ARHGAP26: variants seen among roughly 807,000 people sequenced by gnomAD.
ARHGAP26 encodes rho GTPase-activating protein 26.
ARHGAP26 carries 38 observed loss-of-function variants against 104.8 expected under a neutral mutation model. The ratio of observed to expected loss-of-function variants is 0.36; its 90% confidence interval spans 0.28 to 0.48. The LOEUF is 0.48. ARHGAP26 is among the 20% of genes least tolerant of loss of function. The pLI is 0.99. For synonymous variants in ARHGAP26, 341 were observed against 340.0 expected, an observed-to-expected ratio of 1.00 and a Z score of -0.03; for missense variants, 704 against 947.9, an observed-to-expected ratio of 0.74 and a Z score of 3.38.
intron 11 of ARHGAP26, among the ~76,000 whole-genome samples, chr5:142,980,295 G>A (rs550147712): frequency 1.3e-5 from 2 of 151,992 alleles, no homozygotes; most frequent in African/African-American, 4.8e-5. Flanking sequence ...TTCATTCTTC[G>A]ATTGAACAAT....
chr5:142,906,019 G>A (rs1598177913), intron 8 of ARHGAP26, among the ~76,000 whole-genome samples: 1 of 152,124 alleles, frequency 6.6e-6, no homozygotes, highest in Non-Finnish European at 1.5e-5. Flanking sequence ...TGTCTTTCAT[G>A]ACATTGACAT....
chr5:143,085,137 C>T (rs118113359), intron 17 of ARHGAP26, among the ~76,000 whole-genome samples: 1,631 of 152,002 alleles, frequency 0.011, 33 homozygotes, highest in East Asian at 0.088. Context: ...TGGTCCCGGC[C>T]CCGGAAACTC....
intron 20 of ARHGAP26, among the ~76,000 whole-genome samples, chr5:143,193,595 C>T (rs554576619): frequency 6.6e-6 from 1 of 152,120 alleles, no homozygotes; most frequent in South Asian, 2.1e-4. Context: ...TTAACAGTGG[C>T]CCCAAAGTCC....
At chr5:142,912,861 A>G (rs1451357456) in intron 9 of ARHGAP26, among the ~76,000 whole-genome samples, 2 of 152,150 alleles carry the variant, frequency 1.3e-5, no homozygotes, top group Non-Finnish European at 2.9e-5. Context: ...AAGATCATAG[A>G]AGCTCAGAGT....
chr5:142,802,061 T>A (rs1487513280), intron 1 of ARHGAP26, among the ~76,000 whole-genome samples: 2 of 152,140 alleles, frequency 1.3e-5, no homozygotes, highest in Non-Finnish European at 2.9e-5. Flanking sequence ...CCGTGAGAGT[T>A]GAGATGAGAG....
chr5:142,832,895 C>T lies in ARHGAP26; in HGVS notation c.155-40505C>T, dbSNP rs115038875. Among the ~76,000 whole-genome samples, 381 of 152,222 alleles carry T rather than the reference C, an allele frequency of 2.5e-3. 1 individual carries two copies. Among genetic ancestry groups the T allele is most frequent in the African/African-American group, 8.9e-3 (369 of 41,548 alleles). ...ATATTAATTATCTTTCAGCTCAACA[C>T]AGTTCAGTTTTTTTCTAGTTTTTTA... is the stretch of plus-strand genomic sequence containing the variant. On this transcript the variant is annotated intron_variant, in intron 1 of 22. Transcript: ENST00000645722.
At chr5:142,949,221 G>GAGAGAGAGA (rs71576158) in intron 11 of ARHGAP26, among the ~76,000 whole-genome samples, 3 of 9,766 alleles carry the variant, frequency 3.1e-4, no homozygotes, top group Non-Finnish European at 5.3e-4. Context: ...GAGAGAGAGA[G>GAGAGAGAGA]GAGAGAGAGA....
chr5:142,881,872 C>T (rs945876022), intron 4 of ARHGAP26, among the ~76,000 whole-genome samples: 1 of 151,958 alleles, frequency 6.6e-6, no homozygotes, highest in Non-Finnish European at 1.5e-5. Context: ...CCTCCTCCTC[C>T]ACTCTCTGGT....
At chr5:143,074,440 A>G (rs1351115259) in intron 17 of ARHGAP26, among the ~76,000 whole-genome samples, 1 of 152,080 alleles carries the variant, frequency 6.6e-6, no homozygotes, top group Non-Finnish European at 1.5e-5. Context: ...GGGTTGGAAC[A>G]CTCCATTGCT....
At chr5:143,153,224 A>G (rs561081402) in intron 20 of ARHGAP26, among the ~76,000 whole-genome samples, 1 of 152,214 alleles carries the variant, frequency 6.6e-6, no homozygotes, top group African/African-American at 2.4e-5. Context: ...TGAGGCAAAC[A>G]AGAAAGGTGG....
chr5:142,997,538 A>G (rs902281088), intron 11 of ARHGAP26, among the ~76,000 whole-genome samples: 8 of 149,526 alleles, frequency 5.4e-5, no homozygotes, highest in Non-Finnish European at 1.2e-4. Flanking sequence ...CCTCCCAGGT[A>G]GCTGGGACTA....
chr5:143,221,563 G>C (rs1171631092), intron 22 of ARHGAP26, among the ~76,000 whole-genome samples: 1 of 152,134 alleles, frequency 6.6e-6, no homozygotes, highest in Non-Finnish European at 1.5e-5. Flanking sequence ...GCCCAGGCTG[G>C]AGTGCAGTGG....
At chr5:142,950,998 T>TCCCTTC (rs1347322785) in intron 11 of ARHGAP26, among the ~76,000 whole-genome samples, 1 of 5,668 alleles carries the variant, frequency 1.8e-4, no homozygotes, top group Non-Finnish European at 5.0e-4. Flanking sequence ...TCTTTCCCTT[T>TCCCTTC]CTCTTTCCCT....
At chr5:142,822,401 T>C (rs1197628805) in intron 1 of ARHGAP26, among the ~76,000 whole-genome samples, 1 of 152,206 alleles carries the variant, frequency 6.6e-6, no homozygotes, top group Non-Finnish European at 1.5e-5. Flanking sequence ...TGGCAGCTCC[T>C]CCAGTTAATG....
chr5:143,088,100 C>T (rs1254520039), intron 17 of ARHGAP26, among the ~76,000 whole-genome samples: 1 of 152,206 alleles, frequency 6.6e-6, no homozygotes, highest in Non-Finnish European at 1.5e-5. Flanking sequence ...TACTGTTCCT[C>T]ACGGAATCCT....
chr5:143,179,512 T>C (rs952421819), intron 20 of ARHGAP26, among the ~76,000 whole-genome samples: 1 of 152,198 alleles, frequency 6.6e-6, no homozygotes, highest in Non-Finnish European at 1.5e-5. Context: ...GAACAGACAC[T>C]GTGAGCTATG....
chr5:143,162,679 CTAA>C (rs774966715), intron 20 of ARHGAP26, among the ~76,000 whole-genome samples: 4 of 152,216 alleles, frequency 2.6e-5, no homozygotes, highest in Admixed American at 6.5e-5. Context: ...TTATTTTCAT[CTAA>C]TGTTTCCCTT....
At chr5:143,016,363 C>CTGAAG (rs1562266759) in intron 12 of ARHGAP26, among the ~76,000 whole-genome samples, 2 of 152,202 alleles carry the variant, frequency 1.3e-5, no homozygotes, top group African/African-American at 4.8e-5. Context: ...ATTCTTCAGT[C>CTGAAG]ATTACCCTTT....
chr5:142,908,200 T>C (rs1761377296), intron 9 of ARHGAP26, among the ~76,000 whole-genome samples: 1 of 152,226 alleles, frequency 6.6e-6, no homozygotes, highest in African/African-American at 2.4e-5. Flanking sequence ...CCTATTGCTG[T>C]GTAACAAGTC....
Sources: allele counts gnomAD v4.1 joint callset (sites outside exome capture counted in the v4.1 genomes callset), GRCh38; gene constraint gnomAD v4.1.1; transcripts MANE v1.5; gene names NCBI Gene and HGNC (gene_info 2026-07-23, HGNC 2026-07-21).